The following CDC42BPB variants were observed in gnomAD, a reference collection of about 807,000 sequenced individuals.
CDC42BPB encodes serine/threonine-protein kinase MRCK beta.
Under a neutral mutation model 214.9 loss-of-function variants are expected in CDC42BPB, and 37 were observed. The ratio of observed to expected loss-of-function variants is 0.17; its 90% confidence interval spans 0.13 to 0.23. CDC42BPB has a LOEUF of 0.23. CDC42BPB is among the 10% of genes least tolerant of loss of function. The pLI is 1.00. For missense variants in CDC42BPB, 1,694 were observed against 2,227.0 expected, an observed-to-expected ratio of 0.76 and a Z score of 4.82; for synonymous variants, 931 against 884.0, an observed-to-expected ratio of 1.05 and a Z score of -0.94.
At chr14:102,998,869 CCCTGAGCCCCA>C (rs1894857609) in intron 5 of CDC42BPB, among the ~76,000 whole-genome samples, 1 of 152,102 alleles carries the variant, frequency 6.6e-6, no homozygotes, top group Non-Finnish European at 1.5e-5. Context: ...GGACAGAGGA[CCCTGAGCCCCA>C]CGTGAGCCCC....
At chr14:102,969,336 G>A (rs905746203) in intron 14 of CDC42BPB, among the ~76,000 whole-genome samples, 1 of 152,216 alleles carries the variant, frequency 6.6e-6, no homozygotes, top group African/African-American at 2.4e-5. Context: ...GAGCAGGCAG[G>A]AGGGTAGCTG....
intron 17 of CDC42BPB, 66 bp from the exon 18 acceptor site, chr14:102,966,453 G>A (rs1419683370): frequency 3.1e-6 from 5 of 1,594,092 alleles, no homozygotes; most frequent in Non-Finnish European, 4.3e-6. Flanking sequence ...AAACAAGAAG[G>A]GGACGTTCCC....
intron 5 of CDC42BPB, among the ~76,000 whole-genome samples, chr14:102,997,580 C>G (rs997410210): frequency 1.3e-5 from 2 of 152,136 alleles, no homozygotes; most frequent in African/African-American, 4.8e-5. Flanking sequence ...ATGGAAGGGA[C>G]AGCGCCAAGG....
chr14:103,037,027 C>G (rs935922279), intron 1 of CDC42BPB, among the ~76,000 whole-genome samples: 1 of 152,122 alleles, frequency 6.6e-6, no homozygotes, highest in Non-Finnish European at 1.5e-5. Flanking sequence ...CTATGCTGCC[C>G]AGGCTGGACT....
At chr14:102,952,720 T>C (rs763157920) in intron 23 of CDC42BPB, 117 bp from the exon 24 acceptor site, 1 of 1,480,966 alleles carries the variant, frequency 6.8e-7, no homozygotes, top group Admixed American at 2.1e-5. Flanking sequence ...GGTGGAAATG[T>C]GCAAGTTCTG....
intron 1 of CDC42BPB, among the ~76,000 whole-genome samples, chr14:103,021,945 G>T (rs1311551626): frequency 1.3e-5 from 2 of 152,184 alleles, no homozygotes; most frequent in African/African-American, 4.8e-5. Context: ...GCACTAGGAC[G>T]CTGGAGTTGC....
chr14:102,952,770 G>C (rs1021866579), intron 23 of CDC42BPB, 167 bp from the exon 24 acceptor site: 12 of 983,440 alleles, frequency 1.2e-5, no homozygotes, highest in Non-Finnish European at 1.4e-5. Context: ...TCATCAAATA[G>C]TGGTGAAAAC....
intron 1 of CDC42BPB, among the ~76,000 whole-genome samples, chr14:103,015,145 G>A (rs758964382): frequency 6.6e-6 from 1 of 152,194 alleles, no homozygotes; most frequent in Non-Finnish European, 1.5e-5. Context: ...GTGAAGGCTT[G>A]GAGAGGCAAA....
intron 23 of CDC42BPB, among the ~76,000 whole-genome samples, chr14:102,953,818 G>A (rs1157454828): frequency 2.0e-5 from 3 of 152,196 alleles, no homozygotes; most frequent in Non-Finnish European, 4.4e-5. Flanking sequence ...TCACCCACCA[G>A]CCACATGGTT....
At chr14:102,942,085 T>C (rs1465141363) in intron 30 of CDC42BPB, among the ~76,000 whole-genome samples, 1 of 152,188 alleles carries the variant, frequency 6.6e-6, no homozygotes, top group Non-Finnish European at 1.5e-5. Context: ...AAAATGTAAA[T>C]CCTGTGTGGT....
At chr14:103,042,414 C>T (rs917150786) in intron 1 of CDC42BPB, among the ~76,000 whole-genome samples, 5 of 152,070 alleles carry the variant, frequency 3.3e-5, no homozygotes, top group South Asian at 2.1e-4. Context: ...GGGTTCACGC[C>T]GTTCTCCTGC....
At chr14:102,957,964 T>C (rs1892784867) in intron 21 of CDC42BPB, among the ~76,000 whole-genome samples, 1 of 152,208 alleles carries the variant, frequency 6.6e-6, no homozygotes, top group South Asian at 2.1e-4. Context: ...CTGATGAAGA[T>C]GAAACATCAG....
At position 102,940,290 on chromosome 14, in the gene CDC42BPB, C is replaced by T. The variant is rs1891833650; in HGVS notation, c.4443G>A (p.Glu1481=). 1 of 1,587,608 alleles carries T rather than the reference C, an allele frequency of 6.3e-7. No individual in the cohort carries two copies. Among genetic ancestry groups the T allele is most frequent in the Admixed American group, 1.8e-5 (1 of 55,412 alleles). The change falls in exon 31 of 37, where the codon GAG becomes GAA. Residue 1481 remains glutamate (E), a synonymous_variant. Coordinates refer to ENST00000361246, the MANE Select transcript of CDC42BPB (RefSeq NM_006035.4). ...CSPTHVTVYS[E]YGVDVFDVRT... Reference sequence around the variant, plus strand: ...GCACATCAAAGACGTCCACGCCATACTCGCTGTACACCGTGACGTGGGTGG... The same window carrying T: ...GCACATCAAAGACGTCCACGCCATATTCGCTGTACACCGTGACGTGGGTGG...
In CDC42BPB at chr14:102,944,545, C is replaced by A. The variant is rs1892061181; in HGVS notation, c.3812-58G>T. ...CGGGACAGCCAGCAGCTCCCAGGGG[C>A]TGACGGCCTTGGCTAAAGACTTGCC... On this transcript the variant is annotated intron_variant, in intron 29 of 36. Coordinates refer to ENST00000361246, the MANE Select transcript of CDC42BPB (RefSeq NM_006035.4). The surrounding 1 kb of genome is among the most constrained non-coding windows in gnomAD (Gnocchi z 6.6). 1 of 1,562,440 alleles carries A rather than the reference C, an allele frequency of 6.4e-7. No homozygotes were observed. Among genetic ancestry groups the A allele is most frequent in the Non-Finnish European group, 8.7e-7 (1 of 1,154,096 alleles).
At chr14:102,979,680 C>T (rs1893912654) in intron 8 of CDC42BPB, among the ~76,000 whole-genome samples, 1 of 152,202 alleles carries the variant, frequency 6.6e-6, no homozygotes, top group African/African-American at 2.4e-5. Flanking sequence ...GTAAGAAACT[C>T]TCTAAATTAA....
At chr14:102,969,518 C>A (rs35104312) in intron 14 of CDC42BPB, among the ~76,000 whole-genome samples, 4 of 152,222 alleles carry the variant, frequency 2.6e-5, no homozygotes, top group Non-Finnish European at 4.4e-5. Context: ...CAGGGAGGAA[C>A]AGCATCTCAG....
chr14:103,034,537 G>C (rs993232921), intron 1 of CDC42BPB, among the ~76,000 whole-genome samples: 14 of 152,158 alleles, frequency 9.2e-5, no homozygotes, highest in Admixed American at 3.3e-4. Context: ...GTAGAGGCTG[G>C]GTGTGGTGGC....
At chr14:102,990,343 A>T (rs1894435963) in intron 5 of CDC42BPB, among the ~76,000 whole-genome samples, 2 of 152,312 alleles carry the variant, frequency 1.3e-5, no homozygotes, top group South Asian at 4.2e-4. Context: ...ATGGGGGAGA[A>T]CCGCAAACAA....
chr14:103,053,724 T>C (rs1252122568), intron 1 of CDC42BPB, among the ~76,000 whole-genome samples: 1 of 147,124 alleles, frequency 6.8e-6, no homozygotes, highest in Non-Finnish European at 1.5e-5. Context: ...ATCCCGCCAC[T>C]GCACTCCAGC....
Sources: gnomAD v4.1 joint callset for allele counts (sites outside exome capture counted in the v4.1 genomes callset) on GRCh38, gnomAD v4.1.1 for gene constraint, Gnocchi (gnomAD v3.1) non-coding constraint, MANE v1.5 for transcripts, NCBI Gene and HGNC (gene_info 2026-07-23, HGNC 2026-07-21) for gene names.